The following PUM1 variants were observed in gnomAD, a reference collection of about 807,000 sequenced individuals.
PUM1 encodes the protein pumilio homolog 1.
A neutral mutation model predicts 131.8 loss-of-function variants in PUM1; 13 were observed. The ratio of observed to expected loss-of-function variants is 0.10; its 90% CI spans 0.06 to 0.16. The LOEUF is 0.16. Among genes scored for constraint, PUM1 ranks in the 10% least tolerant of loss-of-function variants. The pLI, the probability that PUM1 is intolerant of heterozygous loss-of-function variation, is 1.00. For missense variants in PUM1, 961 were observed against 1,512.4 expected (o/e 0.64, Z 6.05); for synonymous variants, 509 against 556.5 (o/e 0.91, Z 1.20).
intron 14 of PUM1, among the ~76,000 whole-genome samples, chr1:30,962,495 C>T (rs1462220551): frequency 6.6e-6 from 1 of 152,182 alleles, no homozygotes; most frequent in Admixed American, 6.5e-5. Context: ...TCACTGCAGC[C>T]TGTCTCCCAG....
intron 16 of PUM1, 126 bp downstream of exon 16, chr1:30,952,108 T>A (rs1639959167): frequency 1.1e-6 from 1 of 880,616 alleles, no homozygotes; most frequent in Admixed American, 2.4e-5. Context: ...AAAAACCTCT[T>A]CAAAAAGACC....
intron 2 of PUM1, among the ~76,000 whole-genome samples, chr1:31,041,724 G>A (rs769620994): frequency 2.0e-5 from 3 of 152,144 alleles, no homozygotes; most frequent in Non-Finnish European, 4.4e-5. Context: ...GAGTAAAAGT[G>A]TCCTGAGGCC....
intron 2 of PUM1, among the ~76,000 whole-genome samples, chr1:31,055,751 G>C (rs936087979): frequency 1.3e-5 from 2 of 152,186 alleles, no homozygotes; most frequent in African/African-American, 4.8e-5. Context: ...ACAGAGGCCT[G>C]AGTAAGCCTT....
At chr1:31,023,140 C>T (rs1041696884) in intron 3 of PUM1, among the ~76,000 whole-genome samples, 15 of 151,348 alleles carry the variant, frequency 9.9e-5, no homozygotes, top group African/African-American at 3.6e-4. Flanking sequence ...CACCACTGCA[C>T]TCCAGCGTGG....
chr1:30,939,192 G>A (rs1458294914), intron 20 of PUM1, among the ~76,000 whole-genome samples: 1 of 152,142 alleles, frequency 6.6e-6, no homozygotes, highest in African/African-American at 2.4e-5. Flanking sequence ...ACAGGCTACA[G>A]AAACTCAGAC....
chr1:31,037,998 G>A (rs1214769982), intron 2 of PUM1, among the ~76,000 whole-genome samples: 3 of 149,976 alleles, frequency 2.0e-5, no homozygotes, highest in Non-Finnish European at 4.4e-5. Flanking sequence ...AGAATGGCGT[G>A]AACTCAGGAG....
intron 5 of PUM1, among the ~76,000 whole-genome samples, chr1:31,003,208 C>T (rs1436155015): frequency 6.6e-6 from 1 of 152,182 alleles, no homozygotes; most frequent in African/African-American, 2.4e-5. Flanking sequence ...CCAAGTACCA[C>T]TCCTCCTTTA....
At chr1:30,940,800 T>A (rs1194523625) in intron 20 of PUM1, among the ~76,000 whole-genome samples, 2 of 152,100 alleles carry the variant, frequency 1.3e-5, no homozygotes, top group Non-Finnish European at 1.5e-5. Flanking sequence ...TATATAGATA[T>A]GCATATGGTA....
chr1:31,040,380 G>C (rs555071814), intron 2 of PUM1, among the ~76,000 whole-genome samples: 3 of 152,284 alleles, frequency 2.0e-5, no homozygotes, highest in African/African-American at 7.2e-5. Context: ...TGGGAGTAAA[G>C]GAGTACATTT....
intron 2 of PUM1, among the ~76,000 whole-genome samples, chr1:31,054,093 CAAAAAAAAAAAA>C (rs368330168): frequency 1.2e-3 from 67 of 54,886 alleles, no homozygotes; most frequent in Admixed American, 4.0e-3. Flanking sequence ...GACTTTATTT[CAAAAAAAAAAAA>C]AAAAAAAAAA....
chr1:30,936,532 G>A (rs1639217211), intron 21 of PUM1, 111 bp downstream of exon 21: 4 of 1,037,982 alleles, frequency 3.9e-6, no homozygotes, highest in Non-Finnish European at 5.6e-6. Context: ...ATGGGACAGA[G>A]GTCAGTGACA....
chr1:31,025,548 T>C (rs1301057690), intron 3 of PUM1, among the ~76,000 whole-genome samples: 1 of 80,604 alleles, frequency 1.2e-5, no homozygotes, highest in East Asian at 7.5e-4. Flanking sequence ...TTTTTGTCTT[T>C]TTTTTTTTTT....
chr1:31,032,571 T>TA (rs11295813), intron 2 of PUM1, among the ~76,000 whole-genome samples: 5 of 144,538 alleles, frequency 3.5e-5, no homozygotes, highest in African/African-American at 7.7e-5. Context: ...ATCTTTTTTT[T>TA]AAAAAAAAAA....
rs1165246125 is a variant in PUM1 at position 30,980,049 on chromosome 1, C to A, written c.1354+13G>T. The A allele has an allele frequency of 1.9e-6, 3 of 1,559,130 alleles. No individual in the cohort carries two copies. The highest frequency in any genetic ancestry group is 2.6e-6 in the Non-Finnish European group (3 of 1,142,450). On this transcript the variant is annotated intron_variant, in intron 9 of 21. Coordinates refer to ENST00000426105, the MANE Select transcript of PUM1 (RefSeq NM_001020658.2). ...GCAGGTGAGAAAATCCCTCATGCAG[C>A]AGAATGTCTCACCTAGTGTCGCTGC...
chr1:30,933,079 G>A lies in PUM1; in HGVS notation c.*132C>T. 8.9e-7 allele frequency: 1 copy of A among 1,125,230 alleles called. No homozygotes were observed. The highest frequency in any genetic ancestry group is 1.8e-5 in the South Asian group (1 of 54,610). 69.7% of individuals were successfully genotyped at this position (1,125,230 alleles called of 1,614,324 possible). A position where few individuals can be genotyped will look rare whatever the true frequency, so the allele number is the denominator to read the frequency against. On this transcript the variant is annotated 3_prime_UTR_variant, in exon 22 of 22. Coordinates refer to ENST00000426105, the MANE Select transcript of PUM1 (RefSeq NM_001020658.2). Reference sequence around the variant, plus strand: ...ACTCGTGGATTTGATTCCTTTTTTGGAGGAGGGAGTAATCCTGGAGCAACC... The same window carrying A: ...ACTCGTGGATTTGATTCCTTTTTTGAAGGAGGGAGTAATCCTGGAGCAACC...
At chr1:31,053,082 G>A (rs1432958988) in intron 2 of PUM1, among the ~76,000 whole-genome samples, 22 of 147,870 alleles carry the variant, frequency 1.5e-4, no homozygotes, top group Non-Finnish European at 2.7e-4. Flanking sequence ...GCGGGATCTC[G>A]GCTCACTGCA....
chr1:31,043,011 C>T (rs1033169875), intron 2 of PUM1, among the ~76,000 whole-genome samples: 3 of 152,068 alleles, frequency 2.0e-5, no homozygotes, highest in South Asian at 2.1e-4. Context: ...TGAGCCACCA[C>T]GCCTAGCCAG....
intron 5 of PUM1, among the ~76,000 whole-genome samples, chr1:30,997,495 CTTTTTT>C (rs9286937): frequency 5.4e-5 from 7 of 129,828 alleles, no homozygotes; most frequent in Admixed American, 8.1e-5. Context: ...TGAAACTCGT[CTTTTTT>C]TTTTTTTTTT....
intron 2 of PUM1, among the ~76,000 whole-genome samples, chr1:31,050,582 C>T (rs986348392): frequency 3.9e-5 from 6 of 152,174 alleles, no homozygotes; most frequent in Non-Finnish European, 8.8e-5. Context: ...TCTAAGAGTA[C>T]ATGTGTAAGA....
Sources: allele counts gnomAD v4.1 joint callset (sites outside exome capture counted in the v4.1 genomes callset), GRCh38; gene constraint gnomAD v4.1.1; transcripts MANE v1.5; gene names NCBI Gene and HGNC (gene_info 2026-07-23, HGNC 2026-07-21).